Variants in CTNNA3 observed in about 807,000 individuals in gnomAD.
CTNNA3 encodes the protein catenin alpha 3, also known as catenin alpha-3.
A neutral mutation model predicts 95.7 loss-of-function variants in CTNNA3; 76 were observed. The ratio of observed to expected loss-of-function variants is 0.79; its 90% CI spans 0.66 to 0.96. CTNNA3 has a LOEUF of 0.96. Ranked by LOEUF, CTNNA3 falls within the 40% of genes least tolerant of loss-of-function variation. CTNNA3 has a pLI of 0.00. For synonymous variants in CTNNA3, 431 were observed against 374.4 expected, an observed-to-expected ratio of 1.15 and a Z score of -1.74; for missense variants, 1,191 against 1,089.8, an observed-to-expected ratio of 1.09 and a Z score of -1.31.
At chr10:66,331,615 T>G (rs539467007) in intron 12 of CTNNA3, among the ~76,000 whole-genome samples, 1 of 151,962 alleles carries the variant, frequency 6.6e-6, no homozygotes, top group African/African-American at 2.4e-5. Context: ...TAGTTGTAGA[T>G]ATGCAGCATT....
intron 11 of CTNNA3, among the ~76,000 whole-genome samples, chr10:66,496,842 T>C (rs1278794480): frequency 6.6e-6 from 1 of 152,150 alleles, no homozygotes; most frequent in African/African-American, 2.4e-5. Flanking sequence ...CACTGATTGA[T>C]GTGGCTTAAA....
At chr10:66,285,889 T>C (rs1383182120) in intron 12 of CTNNA3, among the ~76,000 whole-genome samples, 1 of 151,782 alleles carries the variant, frequency 6.6e-6, no homozygotes, top group African/African-American at 2.4e-5. Flanking sequence ...ATATACTTTT[T>C]GTATCAACTT....
intron 9 of CTNNA3, among the ~76,000 whole-genome samples, chr10:66,760,187 C>G (rs745649966): frequency 6.6e-6 from 1 of 152,148 alleles, no homozygotes; most frequent in African/African-American, 2.4e-5. Context: ...ATAGTCCACA[C>G]GCAGGCTCTA....
chr10:67,271,706 T>C (rs1345843217), intron 5 of CTNNA3, among the ~76,000 whole-genome samples: 3 of 151,974 alleles, frequency 2.0e-5, no homozygotes, highest in Admixed American at 2.0e-4. Flanking sequence ...TTTAGCAAAA[T>C]GCCAGGGAAA....
intron 3 of CTNNA3, among the ~76,000 whole-genome samples, chr10:67,596,707 C>A (rs1589468625): frequency 1.3e-5 from 2 of 152,162 alleles, no homozygotes; most frequent in African/African-American, 4.8e-5. Context: ...AGTACTATTT[C>A]TTTGGCATTT....
intron 7 of CTNNA3, among the ~76,000 whole-genome samples, chr10:66,978,303 A>G (rs1850179532): frequency 1.3e-5 from 2 of 151,922 alleles, no homozygotes; most frequent in South Asian, 4.2e-4. Flanking sequence ...AGGCAGGTGG[A>G]TTACTTGAGG....
At position 66,927,819 on chromosome 10, in the gene CTNNA3, G is replaced by A; in HGVS notation, c.1048-152295C>T. ...TTGGTCAAGAGATTTTGGATTCTTG[G>A]ATATCCCTCAATGACATCAGTCTTG... is the stretch of plus-strand genomic sequence containing the variant. On this transcript the variant is annotated intron_variant, in intron 7 of 17. Transcript: ENST00000433211. The surrounding 1 kb of genome is among the most constrained non-coding windows in gnomAD (Gnocchi z 4.7). 1 of 1,614,184 alleles carries A rather than the reference G, an allele frequency of 6.2e-7. No individual in the cohort carries two copies. Among genetic ancestry groups the A allele is most frequent in the Non-Finnish European group, 8.5e-7 (1 of 1,180,028 alleles).
At chr10:67,470,236 T>C (rs1011194839) in intron 5 of CTNNA3, among the ~76,000 whole-genome samples, 7 of 152,234 alleles carry the variant, frequency 4.6e-5, no homozygotes, top group Non-Finnish European at 7.3e-5. Context: ...TCACTTAACA[T>C]AATAACCTCC....
At chr10:67,466,200 A>G (rs1345888612) in intron 5 of CTNNA3, among the ~76,000 whole-genome samples, 1 of 152,178 alleles carries the variant, frequency 6.6e-6, no homozygotes, top group Non-Finnish European at 1.5e-5. Flanking sequence ...TTCTAATTAT[A>G]TGTGATGCTT....
At chr10:67,396,085 A>G (rs1432180239) in intron 5 of CTNNA3, among the ~76,000 whole-genome samples, 2 of 152,178 alleles carry the variant, frequency 1.3e-5, no homozygotes, top group Non-Finnish European at 2.9e-5. Flanking sequence ...TAAATGACAT[A>G]AAAATTTCTT....
rs1402402526 is a variant in CTNNA3, at chr10:67,620,923, G to GTGTATATATATATATATA, written c.100-13875_100-13874insTATATATATATATATACA. Among the ~76,000 whole-genome samples the GTGTATATATATATATATA allele has an allele frequency of 1.5e-3, 181 of 123,696 alleles. 1 individual carries two copies. Among genetic ancestry groups the GTGTATATATATATATATA allele is most frequent in the African/African-American group, 4.2e-3 (137 of 32,576 alleles). The allele number at this position is 123,696 out of a possible 152,430, so 81.1% of individuals were successfully genotyped here. A position where few individuals can be genotyped will look rare whatever the true frequency, so the allele number is the denominator to read the frequency against. ...TGTATATGTGTGTGTGTGTGTGTGT[G>GTGTATATATATATATATA]TATATATATATATATATATATATAT... On this transcript the variant is annotated intron_variant, in intron 2 of 17. Coordinates refer to ENST00000433211, the MANE Select transcript of CTNNA3 (RefSeq NM_013266.4).
intron 13 of CTNNA3, among the ~76,000 whole-genome samples, chr10:66,143,526 A>G (rs1184555325): frequency 1.3e-5 from 2 of 152,158 alleles, no homozygotes; most frequent in African/African-American, 4.8e-5. Flanking sequence ...TCTACTCACA[A>G]TTAATTAAGC....
At chr10:66,493,599 A>ATTTTTT (rs528761424) in intron 11 of CTNNA3, among the ~76,000 whole-genome samples, 1,966 of 111,916 alleles carry the variant, frequency 0.018, 225 homozygotes, top group African/African-American at 0.067. Context: ...TAACTACAGT[A>ATTTTTT]TTTTTTTTTT....
At chr10:66,815,125 T>C (rs1842027536) in intron 7 of CTNNA3, among the ~76,000 whole-genome samples, 2 of 152,144 alleles carry the variant, frequency 1.3e-5, no homozygotes, top group African/African-American at 4.8e-5. Context: ...TGAAAATCTT[T>C]AAAATGGTAG....
intron 5 of CTNNA3, among the ~76,000 whole-genome samples, chr10:67,500,891 A>G (rs1839207231): frequency 6.6e-6 from 1 of 152,172 alleles, no homozygotes; most frequent in East Asian, 1.9e-4. Flanking sequence ...TGAATACAGC[A>G]CACTGATGGG....
At chr10:65,943,502 G>A (rs2133184259) in intron 17 of CTNNA3, among the ~76,000 whole-genome samples, 1 of 152,278 alleles carries the variant, frequency 6.6e-6, no homozygotes, top group Admixed American at 6.5e-5. Context: ...AATCCTCAAT[G>A]ACATTACATC....
intron 15 of CTNNA3, among the ~76,000 whole-genome samples, chr10:66,014,188 C>A (rs1310952565): frequency 1.3e-5 from 2 of 151,916 alleles, no homozygotes; most frequent in South Asian, 2.1e-4. Context: ...ACGCTACATA[C>A]AAAGAATGCC....
intron 5 of CTNNA3, among the ~76,000 whole-genome samples, chr10:67,295,727 G>T (rs1321295111): frequency 6.6e-6 from 1 of 152,204 alleles, no homozygotes; most frequent in African/African-American, 2.4e-5. Flanking sequence ...TTGCCTAAAA[G>T]TGTCAATGTG....
intron 7 of CTNNA3, among the ~76,000 whole-genome samples, chr10:67,107,852 C>A (rs1022527176): frequency 6.6e-6 from 1 of 152,138 alleles, no homozygotes; most frequent in Non-Finnish European, 1.5e-5. Flanking sequence ...AAGAGCCTGG[C>A]CCCTCCTCTT....
Sources: gnomAD v4.1 joint callset for allele counts (sites outside exome capture counted in the v4.1 genomes callset) on GRCh38, gnomAD v4.1.1 for gene constraint, Gnocchi (gnomAD v3.1) non-coding constraint, MANE v1.5 for transcripts, NCBI Gene and HGNC (gene_info 2026-07-23, HGNC 2026-07-21) for gene names.